RNF111: variants seen among roughly 807,000 people sequenced by gnomAD.
RNF111 encodes the protein ring finger protein 111.
RNF111 carries 17 observed loss-of-function variants against 95.1 expected under a neutral mutation model. The observed-to-expected ratio is 0.18, with a 90% CI of 0.12 to 0.27. The LOEUF (loss-of-function observed/expected upper bound fraction) is 0.27. RNF111 is among the 10% of genes least tolerant of loss of function. The pLI is 1.00. For missense variants in RNF111, 1,189 were observed against 1,210.4 expected (o/e 0.98, Z 0.26); for synonymous variants, 440 against 414.8 (o/e 1.06, Z -0.74).
rs370036661 is a variant in RNF111 at position 59,081,021 on chromosome 15, G to A, written c.2034G>A (p.Pro678=). 121 of 1,613,948 alleles carry A rather than the reference G, an allele frequency of 7.5e-5. 1 individual carries two copies. In the South Asian group the frequency reaches 8.2e-4, roughly 11 times the overall value. The change falls in exon 8 of 14, where the codon CCG becomes CCA. Residue 678 remains proline (P), a synonymous_variant. Coordinates refer to ENST00000348370, the MANE Select transcript of RNF111 (RefSeq NM_017610.8). The part of the protein sequence containing the change: ...HGNPPPQTQP[P]PQVDYVIPHP... The stretch of plus-strand genomic sequence containing the variant: ...ACCCCCCTCCTCAGACTCAGCCTCC[G>A]CCTCAAGTGGATTATGTTATTCCTC...
chr15:59,021,307 T>C lies in RNF111; in HGVS notation c.-19-9497T>C, dbSNP rs916762295. 2.0e-5 allele frequency among the ~76,000 whole-genome samples: 3 copies of C among 152,242 alleles called. No homozygotes were observed. The East Asian group carries it at 5.8e-4, about 29-fold the overall frequency. ...CTGGGATTACAGGTGGGTGCCACCA[T>C]GCCCGGCTAATTTTTGTATTTTTAG... On this transcript the variant is annotated intron_variant, in intron 1 of 13. Coordinates refer to ENST00000348370, the MANE Select transcript of RNF111 (RefSeq NM_017610.8).
chr15:59,048,894 C>A (rs1486173921), intron 2 of RNF111, among the ~76,000 whole-genome samples: 1 of 152,022 alleles, frequency 6.6e-6, no homozygotes, highest in Non-Finnish European at 1.5e-5. Flanking sequence ...AGTTCGAGAC[C>A]AGCCTGGGCA....
chr15:59,093,361 T>TTCTC (rs1555403300), intron 13 of RNF111: 65 of 367,098 alleles, frequency 1.8e-4, no homozygotes, highest in South Asian at 2.8e-4. Flanking sequence ...TTTTTTTTTT[T>TTCTC]CCTTTTCTGG....
At chr15:59,053,211 G>A (rs1189700926) in intron 3 of RNF111, among the ~76,000 whole-genome samples, 1 of 152,092 alleles carries the variant, frequency 6.6e-6, no homozygotes, top group African/African-American at 2.4e-5. Flanking sequence ...ATCCTTATCT[G>A]TTTTTATAAA....
rs1271853012 is a variant in RNF111, at chr15:59,096,505, C to T, written c.*1605C>T. The T allele has an allele frequency of 1.3e-5, 2 of 156,412 alleles. No individual in the cohort carries two copies. The highest frequency in any genetic ancestry group is 4.8e-5 in the African/African-American group (2 of 41,640). 9.7% of individuals were successfully genotyped at this position (156,412 alleles called of 1,614,324 possible). ...TTGGAATTCAACAATAGTGATCTCACTCAAATTGACATTTGCATAATTTGA... is the reference window on the plus strand; with the variant it reads ...TTGGAATTCAACAATAGTGATCTCATTCAAATTGACATTTGCATAATTTGA... On this transcript the variant is annotated 3_prime_UTR_variant, in exon 14 of 14. Transcript: ENST00000348370.
intron 3 of RNF111, among the ~76,000 whole-genome samples, chr15:59,054,022 A>G (rs58417366): frequency 0.44 from 66,695 of 151,678 alleles, 15,967 homozygotes; most frequent in African/African-American, 0.64. Flanking sequence ...CGCAGCCTCC[A>G]TCTCCTGGGT....
At chr15:59,021,722 A>T (rs2040354096) in intron 1 of RNF111, among the ~76,000 whole-genome samples, 1 of 152,184 alleles carries the variant, frequency 6.6e-6, no homozygotes, top group Non-Finnish European at 1.5e-5. Flanking sequence ...TAACTCAGTG[A>T]TCCCTGGATC....
intron 2 of RNF111, among the ~76,000 whole-genome samples, chr15:59,038,245 C>G (rs879202901): frequency 2.0e-4 from 30 of 152,100 alleles, no homozygotes; most frequent in Admixed American, 2.0e-3. Flanking sequence ...AGTGATGCAT[C>G]ACTAGAAACT....
chr15:59,052,409 G>A lies in RNF111; in HGVS notation c.985G>A (p.Val329Ile), dbSNP rs1375049056. Residue 329 changes from valine to isoleucine, a missense_variant, in exon 3 of 14, where the codon GTA (valine) becomes ATA (isoleucine). Physicochemically the swap from Val to Ile is conservative, Grantham distance 29. Transcript: ENST00000348370. The part of the protein sequence containing the change: ...VTSTDSEVEI[V>I]TVGESYRSRS... The stretch of plus-strand genomic sequence containing the variant: ...CTCAACTGACAGTGAAGTGGAGATT[G>A]TAACAGTTGGAGAAAGCTATCGGTG... The A allele has an allele frequency of 1.1e-5, 18 of 1,588,072 alleles. No homozygotes were observed. Among genetic ancestry groups the A allele is most frequent in the Non-Finnish European group, 1.4e-5 (16 of 1,170,208 alleles).
chr15:59,075,953 G>T lies in RNF111; in HGVS notation c.1687-1G>T. 1.9e-6 allele frequency: 3 copies of T among 1,613,598 alleles called. No individual in the cohort carries two copies. Among genetic ancestry groups the T allele is most frequent in the Non-Finnish European group, 2.5e-6 (3 of 1,179,674 alleles). ...ATAAAATATACTTCCTTTTTATCTAGCAGGCATTGCCAGTGGACCTGAGCA... is the reference window on the plus strand; with the variant it reads ...ATAAAATATACTTCCTTTTTATCTATCAGGCATTGCCAGTGGACCTGAGCA... On this transcript the variant is annotated splice_acceptor_variant, in intron 6 of 13. Coordinates refer to ENST00000348370, the MANE Select transcript of RNF111 (RefSeq NM_017610.8). LOFTEE classifies it high-confidence loss of function.
intron 1 of RNF111, among the ~76,000 whole-genome samples, chr15:59,009,166 G>A (rs540627156): frequency 1.3e-5 from 2 of 152,054 alleles, no homozygotes; most frequent in East Asian, 3.9e-4. Context: ...CACCAAGTTG[G>A]CCAGGCTGGT....
intron 1 of RNF111, among the ~76,000 whole-genome samples, chr15:59,009,278 G>A (rs530217671): frequency 6.6e-6 from 1 of 151,992 alleles, no homozygotes; most frequent in African/African-American, 2.4e-5. Flanking sequence ...ACTTTTACAT[G>A]TTATCAGCTT....
At chr15:59,054,687 T>C (rs1347261391) in intron 3 of RNF111, among the ~76,000 whole-genome samples, 1 of 152,188 alleles carries the variant, frequency 6.6e-6, no homozygotes, top group Non-Finnish European at 1.5e-5. Context: ...CTCTGGGTTC[T>C]ATAATCGTTG....
chr15:59,069,227 G>A (rs1021265354), intron 6 of RNF111, among the ~76,000 whole-genome samples: 6 of 152,126 alleles, frequency 3.9e-5, no homozygotes, highest in Admixed American at 3.9e-4. Context: ...GGATTGTCCA[G>A]ACCTGTCCTA....
chr15:58,996,604 A>G (rs1331607405), intron 1 of RNF111, among the ~76,000 whole-genome samples: 1 of 149,660 alleles, frequency 6.7e-6, no homozygotes, highest in Non-Finnish European at 1.5e-5. Flanking sequence ...TTAAAAAATT[A>G]TGAAACAGAA....
intron 11 of RNF111, 29 bp downstream of exon 11, chr15:59,089,788 G>C: frequency 6.9e-7 from 1 of 1,452,370 alleles, no homozygotes; most frequent in Non-Finnish European, 9.7e-7. Context: ...GAATATGTTT[G>C]TCACAGTATC....
At chr15:59,066,678 C>G in intron 5 of RNF111, 86 bp from the exon 6 acceptor site, 1 of 1,027,872 alleles carries the variant, frequency 9.7e-7, no homozygotes, top group Admixed American at 2.4e-5. Flanking sequence ...TTTCTTTAAA[C>G]ATTTATTATT....
intron 5 of RNF111, among the ~76,000 whole-genome samples, chr15:59,062,884 G>A (rs1323905850): frequency 6.6e-6 from 1 of 152,162 alleles, no homozygotes. Flanking sequence ...GGGAAAGGCT[G>A]TGCTTACAGG....
chr15:59,049,775 T>A (rs1298305435), intron 2 of RNF111: 1 of 125,924 alleles, frequency 7.9e-6, no homozygotes, highest in Non-Finnish European at 1.6e-5. Context: ...TGAGATGGGG[T>A]CTCGCTCCGT....
Sources: allele counts gnomAD v4.1 joint callset (sites outside exome capture counted in the v4.1 genomes callset), GRCh38; gene constraint gnomAD v4.1.1; transcripts MANE v1.5; gene names NCBI Gene and HGNC (gene_info 2026-07-23, HGNC 2026-07-21).